Variants in DLG1 observed in about 807,000 individuals in gnomAD.
The protein encoded by DLG1 is discs large MAGUK scaffold protein 1, also known as disks large homolog 1.
DLG1 carries 42 observed loss-of-function variants against 123.4 expected under a neutral mutation model. The observed-to-expected ratio is 0.34, with a 90% confidence interval of 0.27 to 0.44. The LOEUF is 0.44. DLG1 is among the 20% of genes least tolerant of loss of function. The probability of loss-of-function intolerance (pLI) is 1.00; values close to 1 mark genes in which losing one functional copy is unlikely to be tolerated. For synonymous variants in DLG1, 317 were observed against 356.2 expected (o/e 0.89, Z 1.24); for missense variants, 942 against 1,082.6 (o/e 0.87, Z 1.82).
At chr3:197,171,204 G>T (rs1412224868) in intron 5 of DLG1, among the ~76,000 whole-genome samples, 2 of 152,026 alleles carry the variant, frequency 1.3e-5, no homozygotes, top group Non-Finnish European at 2.9e-5. Flanking sequence ...GTTTATAGAA[G>T]GATAAAATAT....
At chr3:197,160,984 C>T (rs1490889078) in intron 5 of DLG1, among the ~76,000 whole-genome samples, 3 of 152,174 alleles carry the variant, frequency 2.0e-5, no homozygotes, top group African/African-American at 4.8e-5. Context: ...GTTAATGTCT[C>T]AAGCCACCCC....
rs151315579 is a variant in DLG1, at chr3:197,100,080, C to T, written c.1546+4823G>A. ...GTTCAAGGGTCAACTGCAGCACAGG[C>T]GCGTAGAAAAATACAGCAAGGGAAG... On this transcript the variant is annotated intron_variant, in intron 14 of 24. Coordinates refer to ENST00000667157, the MANE Select transcript of DLG1 (RefSeq NM_001366207.1). 2.5e-3 allele frequency among the ~76,000 whole-genome samples: 379 copies of T among 152,022 alleles called. 2 individuals carry two copies. Among genetic ancestry groups the T allele is most frequent in the Non-Finnish European group, 3.7e-3 (250 of 67,986 alleles).
intron 23 of DLG1, among the ~76,000 whole-genome samples, chr3:197,055,152 A>C (rs1256757198): frequency 6.6e-6 from 1 of 151,946 alleles, no homozygotes; most frequent in Non-Finnish European, 1.5e-5. Flanking sequence ...AGGTCTCACT[A>C]TGTTGCCCAG....
intron 5 of DLG1, among the ~76,000 whole-genome samples, chr3:197,179,716 A>G (rs1228046417): frequency 1.3e-5 from 2 of 152,190 alleles, no homozygotes; most frequent in Non-Finnish European, 2.9e-5. Flanking sequence ...AAGTGACTCA[A>G]TGACACTGAT....
At chr3:197,298,057 AC>A (rs1178156756) in intron 1 of DLG1, 2 of 407,934 alleles carry the variant, frequency 4.9e-6, no homozygotes, top group Non-Finnish European at 6.5e-6. Context: ...CGCACGCCCC[AC>A]CCCCGGAACC....
intron 4 of DLG1, among the ~76,000 whole-genome samples, chr3:197,206,905 G>A (rs764267955): frequency 6.6e-6 from 1 of 152,160 alleles, no homozygotes; most frequent in Non-Finnish European, 1.5e-5. Context: ...TATCCAGGTA[G>A]AAAATGAATA....
chr3:197,233,573 C>CG (rs1744403736), intron 4 of DLG1, among the ~76,000 whole-genome samples: 1 of 152,112 alleles, frequency 6.6e-6, no homozygotes, highest in South Asian at 2.1e-4. Context: ...TTGGTAGAGA[C>CG]GGGGTTTCAC....
chr3:197,084,783 T>C (rs115130478), intron 16 of DLG1, among the ~76,000 whole-genome samples: 7,612 of 151,362 alleles, frequency 0.05, 221 homozygotes, highest in South Asian at 0.069. Context: ...TATAGATAGA[T>C]ATAGATATAG....
chr3:197,272,408 T>G (rs903936240), intron 4 of DLG1, among the ~76,000 whole-genome samples: 15 of 152,230 alleles, frequency 9.9e-5, no homozygotes, highest in African/African-American at 3.4e-4. Context: ...TATTAGGTTT[T>G]AATCTCTTTT....
chr3:197,065,133 A>C, intron 22 of DLG1, 143 bp downstream of exon 22: 1 of 689,492 alleles, frequency 1.5e-6, no homozygotes, highest in Non-Finnish European at 2.2e-6. Flanking sequence ...CACTTTCCTA[A>C]GCCATGGAAA....
chr3:197,059,770 T>C, intron 23 of DLG1, 119 bp downstream of exon 23: 1 of 649,156 alleles, frequency 1.5e-6, no homozygotes, highest in South Asian at 2.1e-5. Flanking sequence ...CTGAGGTGAA[T>C]AAACATACTA....
chr3:197,213,845 C>CA (rs1370526554), intron 4 of DLG1, among the ~76,000 whole-genome samples: 4 of 152,098 alleles, frequency 2.6e-5, no homozygotes, highest in African/African-American at 9.7e-5. Flanking sequence ...TTGGGTGAGT[C>CA]AGAGTATGTG....
chr3:197,294,595 T>C (rs1436681835), intron 3 of DLG1, among the ~76,000 whole-genome samples: 3 of 149,954 alleles, frequency 2.0e-5, no homozygotes, highest in Non-Finnish European at 4.4e-5. Flanking sequence ...CAGGCGGAGC[T>C]TGCAGTGAGC....
chr3:197,248,907 A>G (rs909735864), intron 4 of DLG1, among the ~76,000 whole-genome samples: 1 of 152,200 alleles, frequency 6.6e-6, no homozygotes, highest in African/African-American at 2.4e-5. Flanking sequence ...ACTTGTGCAC[A>G]GGAGTTCAAG....
At chr3:197,254,930 C>G (rs1270848061) in intron 4 of DLG1, among the ~76,000 whole-genome samples, 2 of 151,896 alleles carry the variant, frequency 1.3e-5, no homozygotes, top group African/African-American at 4.8e-5. Context: ...GTGGCACGTG[C>G]TTGTAATCCT....
In DLG1 at chr3:197,065,796, T is replaced by C. The variant is rs1233593975; in HGVS notation, c.2112A>G (p.Arg704=). The part of the protein sequence containing the change: ...PVNQQEVNYT[R]PVIILGPMKD... ...TCATAGGTCCCAATATGATCACTGG[T>C]CGAGTATAATTAACTATAAAGATAA... The change falls in exon 21 of 25, where the codon CGA becomes CGG. Residue 704 remains arginine, a synonymous_variant. Transcript: ENST00000667157. The C allele has an allele frequency of 4.4e-6, 7 of 1,584,754 alleles. No individual in the cohort carries two copies. Among genetic ancestry groups the C allele is most frequent in the Non-Finnish European group, 6.1e-6 (7 of 1,156,524 alleles).
chr3:197,089,974 A>C (rs11927266), intron 15 of DLG1, among the ~76,000 whole-genome samples: 44,959 of 152,020 alleles, frequency 0.3, 6,942 homozygotes, highest in South Asian at 0.38. Context: ...TTCATGATGT[A>C]TCAGAGTAAG....
rs1456105344 is a variant in DLG1 at position 197,207,864 on chromosome 3, G to C, written c.319-13275C>G. On this transcript the variant is annotated intron_variant, in intron 4 of 24. Coordinates refer to ENST00000667157, the MANE Select transcript of DLG1 (RefSeq NM_001366207.1). ...GAGACTATAACACAAGATTCTTCTA[G>C]AGAAATTCTTTTATAACTATAACAA... Among the ~76,000 whole-genome samples, 5 of 145,098 alleles carry C rather than the reference G, an allele frequency of 3.4e-5. 1 individual carries two copies. The highest frequency in any genetic ancestry group is 7.7e-5 in the Non-Finnish European group (5 of 64,796).
chr3:197,282,137 AG>A (rs1769679346), intron 4 of DLG1, among the ~76,000 whole-genome samples: 1 of 152,234 alleles, frequency 6.6e-6, no homozygotes, highest in Non-Finnish European at 1.5e-5. Flanking sequence ...CACACAAAAA[AG>A]TATATTACTA....
Sources: gnomAD v4.1 joint callset for allele counts (sites outside exome capture counted in the v4.1 genomes callset) on GRCh38, gnomAD v4.1.1 for gene constraint, MANE v1.5 for transcripts, NCBI Gene and HGNC (gene_info 2026-07-23, HGNC 2026-07-21) for gene names.